FGF12: variants seen among roughly 807,000 people sequenced by gnomAD.
FGF12 encodes the protein fibroblast growth factor 12B.
A neutral mutation model predicts 23.6 loss-of-function variants in FGF12; 14 were observed. The observed-to-expected ratio is 0.59, with a 90% confidence interval of 0.39 to 0.93. FGF12 has a LOEUF of 0.93. FGF12 is among the 40% of genes least tolerant of loss of function. The pLI is 0.00. For synonymous variants in FGF12, 62 were observed against 77.3 expected (o/e 0.80, Z 1.04); for missense variants, 175 against 217.8 (o/e 0.80, Z 1.24).
chr3:192,197,037 A>G (rs1717103287), intron 4 of FGF12, among the ~76,000 whole-genome samples: 1 of 152,240 alleles, frequency 6.6e-6, no homozygotes, highest in Non-Finnish European at 1.5e-5. Context: ...AAGGAAAGGT[A>G]AGAGCCCCCT....
intron 2 of FGF12, among the ~76,000 whole-genome samples, chr3:192,711,782 C>A (rs1391019847): frequency 2.6e-5 from 4 of 151,972 alleles, no homozygotes; most frequent in Non-Finnish European, 4.4e-5. Context: ...ACTCCCTAAT[C>A]TCAAGTACCC....
At chr3:192,375,103 T>C (rs889884030) in intron 2 of FGF12, among the ~76,000 whole-genome samples, 14 of 152,346 alleles carry the variant, frequency 9.2e-5, no homozygotes, top group Admixed American at 6.5e-4. Flanking sequence ...AAATATGCCA[T>C]GTATATTATC....
chr3:192,510,764 C>A (rs1724445731), intron 2 of FGF12, among the ~76,000 whole-genome samples: 1 of 152,108 alleles, frequency 6.6e-6, no homozygotes, highest in African/African-American at 2.4e-5. Flanking sequence ...TGTGGTACAT[C>A]CACGCAATGG....
chr3:192,324,070 C>T (rs113810563), intron 4 of FGF12, among the ~76,000 whole-genome samples: 7,839 of 151,682 alleles, frequency 0.052, 562 homozygotes, highest in African/African-American at 0.16. Context: ...CCAGCCTGGG[C>T]GACAGAGCGA....
At chr3:192,701,725 G>A (rs1718304090) in intron 2 of FGF12, among the ~76,000 whole-genome samples, 1 of 151,924 alleles carries the variant, frequency 6.6e-6, no homozygotes, top group Non-Finnish European at 1.5e-5. Context: ...TATGAAAAAA[G>A]GCATATTATA....
intron 2 of FGF12, among the ~76,000 whole-genome samples, chr3:192,419,744 T>C (rs1003849665): frequency 2.0e-5 from 3 of 152,004 alleles, no homozygotes; most frequent in East Asian, 1.9e-4. Flanking sequence ...ATGAAACTGA[T>C]TGCTGGGGAT....
intron 4 of FGF12, among the ~76,000 whole-genome samples, chr3:192,185,934 T>C (rs1384265930): frequency 6.7e-6 from 1 of 149,778 alleles, no homozygotes; most frequent in African/African-American, 2.5e-5. Flanking sequence ...TTTCAGAAAA[T>C]ATTCACTCAT....
intron 2 of FGF12, among the ~76,000 whole-genome samples, chr3:192,381,741 A>G (rs570003605): frequency 1.3e-5 from 2 of 152,330 alleles, no homozygotes; most frequent in African/African-American, 2.4e-5. Flanking sequence ...ACACAAGGAC[A>G]GAAGTAAAAG....
chr3:192,289,774 T>C (rs541833908), intron 4 of FGF12, among the ~76,000 whole-genome samples: 3 of 152,310 alleles, frequency 2.0e-5, no homozygotes, highest in Admixed American at 6.5e-5. Flanking sequence ...ACATATTAGA[T>C]GTCCAATAAA....
At chr3:192,535,464 T>A (rs775772485) in intron 2 of FGF12, among the ~76,000 whole-genome samples, 1 of 151,960 alleles carries the variant, frequency 6.6e-6, no homozygotes, top group Non-Finnish European at 1.5e-5. Context: ...CTGGAGGAAA[T>A]GGAATTAATC....
intron 3 of FGF12, among the ~76,000 whole-genome samples, chr3:192,353,064 G>A (rs1718296691): frequency 6.6e-6 from 1 of 152,102 alleles, no homozygotes; most frequent in African/African-American, 2.4e-5. Context: ...CAAAATCTTA[G>A]TGATTCTTGG....
At chr3:192,484,840 T>C (rs1352034627) in intron 2 of FGF12, among the ~76,000 whole-genome samples, 11 of 152,198 alleles carry the variant, frequency 7.2e-5, no homozygotes, top group Admixed American at 6.6e-4. Flanking sequence ...GTTGGCTATT[T>C]TCTAGACCAG....
chr3:192,159,943 AGTGTGTGTGTGTGTGTGTGT>A (rs10575323), intron 5 of FGF12, among the ~76,000 whole-genome samples: 3 of 149,220 alleles, frequency 2.0e-5, no homozygotes, highest in Admixed American at 1.3e-4. Flanking sequence ...ATATTTAAGT[AGTGTGTGTGTGTGTGTGTGT>A]GTGTGTGTGT....
At chr3:192,486,537 G>A (rs987655467) in intron 2 of FGF12, among the ~76,000 whole-genome samples, 11 of 151,998 alleles carry the variant, frequency 7.2e-5, no homozygotes, top group African/African-American at 2.4e-4. Context: ...CTCTAGTGTC[G>A]GAAAAGTTTG....
chr3:192,647,661 A>G (rs1463648257), intron 2 of FGF12, among the ~76,000 whole-genome samples: 1 of 150,586 alleles, frequency 6.6e-6, no homozygotes, highest in East Asian at 1.9e-4. Context: ...ATGGATGTTT[A>G]GAGAAATGAA....
intron 2 of FGF12, among the ~76,000 whole-genome samples, chr3:192,372,310 A>T (rs1719269063): frequency 6.6e-6 from 1 of 152,106 alleles, no homozygotes; most frequent in South Asian, 2.1e-4. Context: ...GAATTCCCTC[A>T]TGCAGCCCAA....
intron 2 of FGF12, among the ~76,000 whole-genome samples, chr3:192,588,723 T>A (rs1033184248): frequency 2.0e-5 from 3 of 151,984 alleles, no homozygotes; most frequent in Admixed American, 1.3e-4. Flanking sequence ...TCACCAAGGC[T>A]ATACAGCTAG....
At chr3:192,559,547 C>T (rs1216453209) in intron 2 of FGF12, among the ~76,000 whole-genome samples, 1 of 151,738 alleles carries the variant, frequency 6.6e-6, no homozygotes, top group Non-Finnish European at 1.5e-5. Context: ...TAAGCAAGAA[C>T]CATAATGTAG....
At chr3:192,192,265 T>C (rs1368563980) in intron 4 of FGF12, among the ~76,000 whole-genome samples, 2 of 152,036 alleles carry the variant, frequency 1.3e-5, no homozygotes, top group African/African-American at 4.8e-5. Flanking sequence ...CTGTTGATTA[T>C]GGACTTTTTG....
Sources: allele counts gnomAD v4.1 joint callset (sites outside exome capture counted in the v4.1 genomes callset), GRCh38; gene constraint gnomAD v4.1.1; transcripts MANE v1.5; gene names NCBI Gene and HGNC (gene_info 2026-07-23, HGNC 2026-07-21).